USH2A: variants seen among roughly 807,000 people sequenced by gnomAD.
The protein encoded by USH2A is usherin.
USH2A carries 443 observed loss-of-function variants against 538.9 expected under a neutral mutation model. The ratio of observed to expected loss-of-function variants is 0.82; its 90% confidence interval spans 0.76 to 0.89. USH2A has a LOEUF of 0.89. USH2A is among the 40% of genes least tolerant of loss of function. The pLI is 0.00. For synonymous variants in USH2A, 2,413 were observed against 2,273.5 expected (o/e 1.06, Z -1.75); for missense variants, 6,633 against 6,324.8 (o/e 1.05, Z -1.65).
At chr1:216,269,288 T>C (rs1204095682) in intron 11 of USH2A, among the ~76,000 whole-genome samples, 1 of 151,978 alleles carries the variant, frequency 6.6e-6, no homozygotes, top group African/African-American at 2.4e-5. Flanking sequence ...GATCTGATGG[T>C]TTTAAAAACA....
At chr1:216,416,993 C>T (rs186977667) in intron 3 of USH2A, among the ~76,000 whole-genome samples, 1 of 152,186 alleles carries the variant, frequency 6.6e-6, no homozygotes, top group Admixed American at 6.5e-5. Flanking sequence ...ACAATGGAAA[C>T]TTCAAGACTA....
chr1:216,060,152 G>A (rs1232111096), intron 30 of USH2A, among the ~76,000 whole-genome samples: 1 of 152,234 alleles, frequency 6.6e-6, no homozygotes, highest in Non-Finnish European at 1.5e-5. Context: ...CTCTACACTA[G>A]TGTCTTTCAA....
intron 44 of USH2A, among the ~76,000 whole-genome samples, chr1:215,847,667 A>G (rs956875919): frequency 6.6e-6 from 1 of 151,998 alleles, no homozygotes; most frequent in Non-Finnish European, 1.5e-5. Context: ...AAAAGAAAAA[A>G]AGTTAAACAG....
chr1:216,164,975 C>G (rs1326963074), intron 21 of USH2A, among the ~76,000 whole-genome samples: 2 of 152,090 alleles, frequency 1.3e-5, no homozygotes, highest in African/African-American at 2.4e-5. Flanking sequence ...CGCACACCAG[C>G]ATGTTGGGGA....
At chr1:215,862,256 C>T (rs947803183) in intron 44 of USH2A, among the ~76,000 whole-genome samples, 2 of 152,114 alleles carry the variant, frequency 1.3e-5, no homozygotes, top group Non-Finnish European at 2.9e-5. Flanking sequence ...GCTTTTATCT[C>T]CTTTGTAGGG....
intron 60 of USH2A, among the ~76,000 whole-genome samples, chr1:215,739,940 A>G (rs1660254732): frequency 6.6e-6 from 1 of 152,202 alleles, no homozygotes; most frequent in Non-Finnish European, 1.5e-5. Flanking sequence ...GATGTTGAAG[A>G]GGTGCGGGGT....
intron 47 of USH2A, among the ~76,000 whole-genome samples, chr1:215,830,057 G>T (rs762322193): frequency 6.6e-5 from 10 of 152,160 alleles, no homozygotes; most frequent in Non-Finnish European, 1.5e-4. Context: ...GGCTGATCAG[G>T]AGGGGAGACA....
intron 21 of USH2A, among the ~76,000 whole-genome samples, chr1:216,100,875 AATTTTC>A (rs2032560784): frequency 6.6e-6 from 1 of 152,230 alleles, no homozygotes; most frequent in Admixed American, 6.5e-5. Context: ...TATATTATTT[AATTTTC>A]AAGTTTTATG....
intron 64 of USH2A, among the ~76,000 whole-genome samples, chr1:215,654,264 G>A (rs1225929794): frequency 6.6e-6 from 1 of 152,018 alleles, no homozygotes; most frequent in Non-Finnish European, 1.5e-5. Flanking sequence ...TTGGTTTGCT[G>A]CACCCATGAA....
intron 21 of USH2A, among the ~76,000 whole-genome samples, chr1:216,141,174 C>T (rs1340679123): frequency 6.6e-6 from 1 of 152,186 alleles, no homozygotes; most frequent in Non-Finnish European, 1.5e-5. Flanking sequence ...TATGCAACTT[C>T]CTGCAACTCT....
chr1:215,821,014 T>C (rs1399361876), intron 47 of USH2A, among the ~76,000 whole-genome samples: 1 of 151,818 alleles, frequency 6.6e-6, no homozygotes, highest in African/African-American at 2.4e-5. Flanking sequence ...GTTGATTTCA[T>C]ATTTTGGCTA....
At chr1:216,009,732 G>A (rs552683274) in intron 32 of USH2A, among the ~76,000 whole-genome samples, 7 of 151,938 alleles carry the variant, frequency 4.6e-5, no homozygotes, top group African/African-American at 7.3e-5. Flanking sequence ...CTCAGCCTCC[G>A]CTCCTCCACC....
intron 56 of USH2A, among the ~76,000 whole-genome samples, chr1:215,763,867 A>T (rs575169265): frequency 1.0e-3 from 152 of 151,812 alleles, no homozygotes; most frequent in Middle Eastern, 3.4e-3. Context: ...CAATTTTTTT[A>T]AAAAAAATTC....
chr1:215,993,363 C>G (rs1189859927), intron 34 of USH2A, among the ~76,000 whole-genome samples, 196 bp from the exon 35 acceptor site: 1 of 152,036 alleles, frequency 6.6e-6, no homozygotes, highest in Non-Finnish European at 1.5e-5. Flanking sequence ...ATAGCCATCC[C>G]CAATAGTTAG....
chr1:216,394,720 C>CTTTTTTTTTTTTTTTTTTTTTTTT lies in USH2A; in HGVS notation c.651+23793_651+23794insAAAAAAAAAAAAAAAAAAAAAAAA, dbSNP rs780581599. Reference sequence around the variant, plus strand: ...CTTAAGGCCTAATAACTGGTCCAGTCTTTTTTTTTTTTTTTTGAGACAGAG... The same window carrying CTTTTTTTTTTTTTTTTTTTTTTTT: ...CTTAAGGCCTAATAACTGGTCCAGTCTTTTTTTTTTTTTTTTTTTTTTTTTTTTTTTTTTTTTTTTGAGACAGAG... On this transcript the variant is annotated intron_variant, in intron 3 of 71. Coordinates refer to ENST00000307340, the MANE Select transcript of USH2A (RefSeq NM_206933.4). Among the ~76,000 whole-genome samples, 44 of 120,316 alleles carry CTTTTTTTTTTTTTTTTTTTTTTTT rather than the reference C, an allele frequency of 3.7e-4. 10 individuals carry two copies. Among genetic ancestry groups the CTTTTTTTTTTTTTTTTTTTTTTTT allele is most frequent in the Non-Finnish European group, 4.5e-4 (27 of 59,650 alleles). 78.9% of individuals were successfully genotyped at this position (120,316 alleles called of 152,430 possible).
chr1:216,000,457 T>C lies in USH2A; in HGVS notation c.6431A>G (p.Glu2144Gly). Residue 2144 changes from glutamate to glycine, a missense_variant, in exon 33 of 72, where the codon GAA becomes GGA. Physicochemically the swap from Glu to Gly is moderately conservative, Grantham distance 98. Transcript: ENST00000307340. ...AGTCAGAACTGGGGAATCCACGTGT[T>C]CTGGTGGCAGCTGTGCTGTGTACAG... ...VLLYTAQLPP[E>G]HVDSPVLTVL... is the part of the protein sequence containing the mutation. 1.2e-6 allele frequency: 2 copies of C among 1,613,734 alleles called. No homozygotes were observed. Among genetic ancestry groups the C allele is most frequent in the Non-Finnish European group, 1.7e-6 (2 of 1,179,752 alleles).
chr1:216,332,281 G>GT (rs1023660003), intron 4 of USH2A, among the ~76,000 whole-genome samples: 8 of 152,096 alleles, frequency 5.3e-5, no homozygotes, highest in African/African-American at 1.9e-4. Flanking sequence ...TACTCTGTTT[G>GT]TTTAAAACAA....
At chr1:215,778,978 C>T (rs904854280) in intron 55 of USH2A, among the ~76,000 whole-genome samples, 3 of 152,164 alleles carry the variant, frequency 2.0e-5, no homozygotes, top group Non-Finnish European at 4.4e-5. Context: ...CTTCCCCAAA[C>T]GTTTATTTAG....
chr1:215,762,679 C>A (rs1661012692), intron 56 of USH2A, among the ~76,000 whole-genome samples: 1 of 152,054 alleles, frequency 6.6e-6, no homozygotes, highest in Non-Finnish European at 1.5e-5. Context: ...ATTAATGAGT[C>A]CGAGGTGGGG....
Sources: gnomAD v4.1 joint callset for allele counts (sites outside exome capture counted in the v4.1 genomes callset) on GRCh38, gnomAD v4.1.1 for gene constraint, MANE v1.5 for transcripts, NCBI Gene and HGNC (gene_info 2026-07-23, HGNC 2026-07-21) for gene names.